ESR1: variants seen among roughly 807,000 people sequenced by gnomAD.
The protein encoded by ESR1 is estrogen receptor.
ESR1 carries 12 observed loss-of-function variants against 52.7 expected under a neutral mutation model. The observed-to-expected ratio is 0.23, with a 90% CI of 0.15 to 0.37. ESR1 has a LOEUF of 0.37. Among genes scored for constraint, ESR1 ranks in the 10% least tolerant of loss-of-function variants. The pLI is 1.00. For synonymous variants in ESR1, 305 were observed against 316.8 expected, an observed-to-expected ratio of 0.96 and a Z score of 0.39; for missense variants, 584 against 779.7, an observed-to-expected ratio of 0.75 and a Z score of 2.99.
intron 4 of ESR1, among the ~76,000 whole-genome samples, chr6:151,945,631 A>T (rs1386968560): frequency 6.6e-6 from 1 of 152,228 alleles, no homozygotes; most frequent in Non-Finnish European, 1.5e-5. Context: ...TATAGGTTAA[A>T]TGAGTGATAG....
chr6:151,807,594 C>CA, upstream of ESR1: 1 of 498,010 alleles, frequency 2.0e-6, no homozygotes, highest in South Asian at 2.1e-5. Context: ...CAGGGCAAGG[C>CA]AACAGTCCCT....
chr6:151,698,187 G>A (rs1186205675), intron 1 of ESR1, among the ~76,000 whole-genome samples: 6 of 151,296 alleles, frequency 4.0e-5, no homozygotes, highest in African/African-American at 9.7e-5. Context: ...GCAACATGGC[G>A]AAACCCCATC....
intron 2 of ESR1, among the ~76,000 whole-genome samples, chr6:151,859,600 C>T (rs544238734): frequency 1.5e-4 from 23 of 152,324 alleles, no homozygotes; most frequent in South Asian, 4.1e-4. Flanking sequence ...GTCAGCTTCG[C>T]GTTCTCTGTC....
At chr6:151,970,446 TC>T (rs1295521002) in intron 4 of ESR1, among the ~76,000 whole-genome samples, 9 of 151,978 alleles carry the variant, frequency 5.9e-5, no homozygotes, top group Non-Finnish European at 7.4e-5. Context: ...CAAGGTTGAG[TC>T]TTTCTGGTCT....
chr6:152,097,920 A>G (rs906104154), intron 7 of ESR1, among the ~76,000 whole-genome samples: 5 of 152,218 alleles, frequency 3.3e-5, no homozygotes, highest in Admixed American at 2.0e-4. Context: ...AATTTCAGGC[A>G]GTGATAAGAG....
intron 3 of ESR1, among the ~76,000 whole-genome samples, chr6:151,937,735 G>T (rs755148025): frequency 1.3e-5 from 2 of 152,150 alleles, no homozygotes; most frequent in Non-Finnish European, 2.9e-5. Flanking sequence ...ATTACGTAGT[G>T]TAATGATATA....
At chr6:151,853,286 C>A (rs1471760094) in intron 2 of ESR1, among the ~76,000 whole-genome samples, 1 of 150,416 alleles carries the variant, frequency 6.6e-6, no homozygotes, top group African/African-American at 2.4e-5. Flanking sequence ...AGGTGTTTGG[C>A]TACTGTTTCT....
At chr6:151,775,791 CTACA>C (rs1785933795) in intron 2 of ESR1, among the ~76,000 whole-genome samples, 1 of 151,744 alleles carries the variant, frequency 6.6e-6, no homozygotes, top group African/African-American at 2.4e-5. Context: ...GTCCTAGAGG[CTACA>C]GCCTAGAGCA....
chr6:151,748,673 CTG>C (rs1359378349), intron 2 of ESR1, among the ~76,000 whole-genome samples: 3 of 152,146 alleles, frequency 2.0e-5, no homozygotes, highest in Non-Finnish European at 2.9e-5. Context: ...CAGCTTAACA[CTG>C]TGTGTTATCA....
At chr6:151,896,558 A>G (rs1340458799) in intron 3 of ESR1, among the ~76,000 whole-genome samples, 1 of 151,936 alleles carries the variant, frequency 6.6e-6, no homozygotes. Context: ...AATTGAGCTT[A>G]TTTGGACCTT....
chr6:151,751,576 A>G (rs1783902908), intron 2 of ESR1, among the ~76,000 whole-genome samples: 1 of 152,196 alleles, frequency 6.6e-6, no homozygotes, highest in Admixed American at 6.5e-5. Context: ...TGAAGGGAGA[A>G]ATTTAGGGGG....
At chr6:152,112,995 G>A (rs1562796954) in intron 6 of ESR1, 1 of 152,260 alleles carries the variant, frequency 6.6e-6, no homozygotes, top group Non-Finnish European at 1.5e-5. Flanking sequence ...CAGTCAGATG[G>A]AGGTGGGGCG....
chr6:151,856,565 G>A (rs1787871943), intron 2 of ESR1, among the ~76,000 whole-genome samples: 1 of 151,332 alleles, frequency 6.6e-6, no homozygotes, highest in Admixed American at 6.6e-5. Flanking sequence ...AAATGCTTTG[G>A]CCAGCTTTTA....
intron 4 of ESR1, among the ~76,000 whole-genome samples, chr6:152,002,194 G>A (rs1444741806): frequency 6.7e-6 from 1 of 149,562 alleles, no homozygotes; most frequent in Non-Finnish European, 1.5e-5. Context: ...AAGTGTGTGT[G>A]TGTGTGTGTG....
chr6:151,739,036 A>C (rs558563414), intron 2 of ESR1, among the ~76,000 whole-genome samples: 2 of 152,322 alleles, frequency 1.3e-5, no homozygotes, highest in South Asian at 4.1e-4. Flanking sequence ...ACCATGGAAT[A>C]TGGATGATTG....
At chr6:151,731,360 G>GA (rs75318062) in intron 2 of ESR1, among the ~76,000 whole-genome samples, 1,613 of 140,402 alleles carry the variant, frequency 0.011, 26 homozygotes, top group African/African-American at 0.037. Flanking sequence ...CATCTCTCAA[G>GA]AAAAAAAAAA....
chr6:152,100,012 G>A lies in ESR1; in HGVS notation c.*1046G>A. The stretch of plus-strand genomic sequence containing the variant: ...AACAGTACTTGTGCAGGATTGTTGT[G>A]GCTACTAGAGAACAAGAGGGAAAGT... On this transcript the variant is annotated 3_prime_UTR_variant, in exon 8 of 8. Coordinates refer to ENST00000206249, the MANE Select transcript of ESR1 (RefSeq NM_000125.4). The A allele has an allele frequency of 2.5e-6, 1 of 398,736 alleles. No homozygotes were observed. The highest frequency in any genetic ancestry group is 4.4e-6 in the Non-Finnish European group (1 of 226,164). The allele number at this position is 398,736 out of a possible 1,614,324, so 24.7% of individuals were successfully genotyped here. A position where few individuals can be genotyped will look rare whatever the true frequency, so the allele number is the denominator to read the frequency against.
downstream of ESR1, among the ~76,000 whole-genome samples, chr6:152,105,426 ATT>A (rs10717810): frequency 0.049 from 6,808 of 138,186 alleles, 344 homozygotes; most frequent in East Asian, 0.27. Context: ...TCCTCTGTTA[ATT>A]TTTTTTTTTT....
rs189082931 is a variant in ESR1, at chr6:151,818,489, G to A, written c.452+10125G>A. 7.8e-4 allele frequency among the ~76,000 whole-genome samples: 119 copies of A among 152,310 alleles called. 1 individual carries two copies. Among genetic ancestry groups the A allele is most frequent in the African/African-American group, 2.4e-3 (100 of 41,568 alleles). Reference sequence around the variant, plus strand: ...AGAGTCCAACCCTTTTCTAAGAAGGGTTGTGTTTGATATTAGGGAATAGCT... The same window carrying A: ...AGAGTCCAACCCTTTTCTAAGAAGGATTGTGTTTGATATTAGGGAATAGCT... On this transcript the variant is annotated intron_variant, in intron 1 of 7. Coordinates refer to ENST00000206249, the MANE Select transcript of ESR1 (RefSeq NM_000125.4).
Sources: allele counts gnomAD v4.1 joint callset (sites outside exome capture counted in the v4.1 genomes callset), GRCh38; gene constraint gnomAD v4.1.1; transcripts MANE v1.5; gene names NCBI Gene and HGNC (gene_info 2026-07-23, HGNC 2026-07-21).